The following SMPDL3A variants were observed in gnomAD, a reference collection of about 807,000 sequenced individuals.
SMPDL3A encodes cyclic GMP-AMP phosphodiesterase SMPDL3A.
Under a neutral mutation model 38.5 loss-of-function variants are expected in SMPDL3A, and 39 were observed. The ratio of observed to expected loss-of-function variants is 1.01; its 90% CI spans 0.78 to 1.32. The LOEUF is 1.32. Among genes scored for constraint, SMPDL3A ranks in the 40% most tolerant of loss-of-function variants. The probability of loss-of-function intolerance (pLI) is 0.00; values close to 1 mark genes in which losing one functional copy is unlikely to be tolerated. For synonymous variants in SMPDL3A, 180 were observed against 194.3 expected, an observed-to-expected ratio of 0.93 and a Z score of 0.61; for missense variants, 502 against 536.2, an observed-to-expected ratio of 0.94 and a Z score of 0.63.
chr6:122,801,269 A>T (rs1215875623), intron 3 of SMPDL3A, 41 bp from the exon 4 acceptor site: 3 of 1,389,542 alleles, frequency 2.2e-6, no homozygotes, highest in East Asian at 2.3e-5. Flanking sequence ...TCAGCTGTGT[A>T]TCTTTAAATT....
chr6:122,798,811 T>C (rs1781334351), intron 3 of SMPDL3A, among the ~76,000 whole-genome samples: 3 of 148,668 alleles, frequency 2.0e-5, no homozygotes, highest in Non-Finnish European at 4.5e-5. Flanking sequence ...TTCTATAACA[T>C]ATCCTATTAT....
intron 7 of SMPDL3A, among the ~76,000 whole-genome samples, chr6:122,808,593 TCCTCCCTCCCTCCCTC>T (rs143524380): frequency 1.2e-4 from 13 of 107,894 alleles, no homozygotes; most frequent in East Asian, 2.8e-4. Context: ...GAGCCTCCCT[TCCTCCCTCCCTCCCTC>T]CCTTCCTTCC....
At chr6:122,808,750 C>A (rs974925680) in intron 7 of SMPDL3A, among the ~76,000 whole-genome samples, 7 of 151,386 alleles carry the variant, frequency 4.6e-5, no homozygotes, top group Non-Finnish European at 1.0e-4. Flanking sequence ...CTCGCAATCC[C>A]GGCTCACCGC....
At chr6:122,804,774 T>G in intron 5 of SMPDL3A, 135 bp from the exon 6 acceptor site, 3 of 690,548 alleles carry the variant, frequency 4.3e-6, no homozygotes, top group Non-Finnish European at 7.1e-6. Context: ...CTTTTTCTTA[T>G]AAATAGAAGA....
At chr6:122,805,283 T>G (rs1320807140) in intron 6 of SMPDL3A, among the ~76,000 whole-genome samples, 194 bp downstream of exon 6, 1 of 152,236 alleles carries the variant, frequency 6.6e-6, no homozygotes, top group Non-Finnish European at 1.5e-5. Flanking sequence ...GCTGGATTTC[T>G]TCAACGTAAG....
chr6:122,797,056 C>T (rs757232274), intron 3 of SMPDL3A, 88 bp downstream of exon 3: 220 of 1,086,974 alleles, frequency 2.0e-4, no homozygotes, highest in Non-Finnish European at 2.9e-4. Context: ...AGTGATAGGG[C>T]ATGGGAATGG....
At chr6:122,806,674 C>T (rs1391257376) in intron 7 of SMPDL3A, among the ~76,000 whole-genome samples, 3 of 152,148 alleles carry the variant, frequency 2.0e-5, no homozygotes, top group Non-Finnish European at 2.9e-5. Context: ...GTTCATTCTT[C>T]TTCTCCAGAA....
chr6:122,794,604 A>T (rs1781183302), intron 1 of SMPDL3A, among the ~76,000 whole-genome samples: 1 of 152,074 alleles, frequency 6.6e-6, no homozygotes, highest in Admixed American at 6.6e-5. Context: ...CTCAAAAAAA[A>T]CACACACAAA....
chr6:122,789,504 G>A (rs1280463484), intron 1 of SMPDL3A, 46 bp downstream of exon 1: 17 of 1,477,562 alleles, frequency 1.2e-5, no homozygotes, highest in Non-Finnish European at 1.5e-5. Flanking sequence ...AAAGAGCGCG[G>A]AGCGGCGGCG....
In SMPDL3A at chr6:122,789,405, GC is replaced by G; in HGVS notation, c.61del (p.Leu21SerfsTer17). 1 of 1,549,322 alleles carries G rather than the reference GC, an allele frequency of 6.5e-7. No homozygotes were observed. The highest frequency in any genetic ancestry group is 8.7e-7 in the Non-Finnish European group (1 of 1,146,352). On this transcript the variant is annotated frameshift_variant, in exon 1 of 8. Transcript: ENST00000368440. LOFTEE classifies it high-confidence loss of function. ...CLLTAWHCRS[G>X]LGLPVAPAGG... ...CTGACTGCCTGGCACTGCCGCTCCGGCCTCGGGCTGCCCGTGGCGCCCGCAG... is the reference window on the plus strand; with the variant it reads ...CTGACTGCCTGGCACTGCCGCTCCGGCTCGGGCTGCCCGTGGCGCCCGCAG...
At chr6:122,806,616 GC>G (rs1781631423) in intron 7 of SMPDL3A, among the ~76,000 whole-genome samples, 1 of 152,124 alleles carries the variant, frequency 6.6e-6, no homozygotes, top group Non-Finnish European at 1.5e-5. Flanking sequence ...ATTGGTTAGT[GC>G]CATGTTTGTG....
Position 122,795,439 on chromosome 6 carries a change from G to A in SMPDL3A, c.113-238G>A, listed in dbSNP as rs147347738. Among the ~76,000 whole-genome samples, 688 of 152,066 alleles carry A rather than the reference G, an allele frequency of 4.5e-3. 3 individuals carry two copies. Among genetic ancestry groups the A allele is most frequent in the African/African-American group, 0.016 (645 of 41,486 alleles). ...ATTACAGGCATGAGCCACCGCGCCC[G>A]GCCTGAGCTCATCAGTTCTGACACA... On this transcript the variant is annotated intron_variant, in intron 1 of 7. Coordinates refer to ENST00000368440, the MANE Select transcript of SMPDL3A (RefSeq NM_006714.5).
At chr6:122,800,209 A>C (rs971449241) in intron 3 of SMPDL3A, among the ~76,000 whole-genome samples, 1 of 151,938 alleles carries the variant, frequency 6.6e-6, no homozygotes, top group Non-Finnish European at 1.5e-5. Flanking sequence ...TCTACACTAG[A>C]GCTTATGTCA....
chr6:122,798,670 T>C (rs1781330258), intron 3 of SMPDL3A, among the ~76,000 whole-genome samples: 1 of 152,150 alleles, frequency 6.6e-6, no homozygotes, highest in South Asian at 2.1e-4. Flanking sequence ...CTGGTGGTGA[T>C]TGTCACATTA....
intron 7 of SMPDL3A, among the ~76,000 whole-genome samples, chr6:122,808,619 C>A: frequency 9.1e-6 from 1 of 110,466 alleles, no homozygotes; most frequent in Admixed American, 9.4e-5. Context: ...CCCTTCCTTC[C>A]TTCCTTCCTT....
chr6:122,803,625 GTA>G (rs1781496084), intron 4 of SMPDL3A, 37 bp from the exon 5 acceptor site: 1 of 1,510,038 alleles, frequency 6.6e-7, no homozygotes, highest in Admixed American at 1.7e-5. Flanking sequence ...GTGTGTATGT[GTA>G]TGTTTTCCTA....
chr6:122,789,476 C>G lies in SMPDL3A; in HGVS notation c.112+18C>G, dbSNP rs72968540. On this transcript the variant is annotated intron_variant, in intron 1 of 7. Coordinates refer to ENST00000368440, the MANE Select transcript of SMPDL3A (RefSeq NM_006714.5). The stretch of plus-strand genomic sequence containing the variant: ...GGCGATAGGTGAGTTGTCCGCGACC[C>G]TTCTCTTCCCAGCCGGCAAAGAGCG... 0.065 allele frequency: 99,520 copies of G among 1,535,064 alleles called. 3,629 individuals are homozygous for G. The highest frequency in any genetic ancestry group is 0.12 in the African/African-American group (8,648 of 72,738).
At chr6:122,806,177 A>AT in intron 6 of SMPDL3A, 56 bp from the exon 7 acceptor site, 1 of 1,447,668 alleles carries the variant, frequency 6.9e-7, no homozygotes, top group African/African-American at 1.4e-5. Context: ...TTATATTTTT[A>AT]ATATAGTTAA....
intron 5 of SMPDL3A, among the ~76,000 whole-genome samples, chr6:122,804,283 G>A (rs921018061): frequency 1.3e-5 from 2 of 149,594 alleles, no homozygotes; most frequent in Admixed American, 6.7e-5. Flanking sequence ...CACTATGCCT[G>A]GCCAACTCAT....
Sources: gnomAD v4.1 joint callset for allele counts (sites outside exome capture counted in the v4.1 genomes callset) on GRCh38, gnomAD v4.1.1 for gene constraint, MANE v1.5 for transcripts, NCBI Gene and HGNC (gene_info 2026-07-23, HGNC 2026-07-21) for gene names.